The following MAP4K5 variants were observed in gnomAD, a reference collection of about 807,000 sequenced individuals.
MAP4K5 encodes mitogen-activated protein kinase kinase kinase kinase 5.
In MAP4K5, 82 loss-of-function variants were observed where a neutral mutation model predicts 135.6. The ratio of observed to expected loss-of-function variants is 0.60; its 90% CI spans 0.51 to 0.73. The LOEUF (loss-of-function observed/expected upper bound fraction) is 0.73, where lower values mean the gene tolerates loss of function less well. MAP4K5 is among the 30% of genes least tolerant of loss of function. The pLI is 0.00. For synonymous variants in MAP4K5, 347 were observed against 335.0 expected, an observed-to-expected ratio of 1.04 and a Z score of -0.39; for missense variants, 907 against 1,010.9, an observed-to-expected ratio of 0.90 and a Z score of 1.39.
chr14:50,437,943 AT>A lies in MAP4K5; in HGVS notation c.1773del (p.Leu592Ter), dbSNP rs2036134402. The A allele has an allele frequency of 6.2e-7, 1 of 1,612,614 alleles. No homozygotes were observed. The highest frequency in any genetic ancestry group is 8.5e-7 in the Non-Finnish European group (1 of 1,179,044). On this transcript the variant is annotated frameshift_variant, in exon 25 of 33. Coordinates refer to ENST00000682126, the MANE Select transcript of MAP4K5 (RefSeq NM_006575.6). LOFTEE classifies it high-confidence loss of function. The stretch of plus-strand genomic sequence containing the variant: ...CTGTGAGTTTGAATATGGGCAGCTA[AT>A]CCTGGTTTTTTGGCATGTTCAAACA... ...IALFEHAKKPGLAAHIQTHRF... is the reference protein window; with the variant it reads ...IALFEHAKKPXLAAHIQTHRF...
intron 2 of MAP4K5, among the ~76,000 whole-genome samples, chr14:50,519,087 T>C (rs1009874504): frequency 1.3e-5 from 2 of 152,146 alleles, no homozygotes; most frequent in Non-Finnish European, 2.9e-5. Context: ...TGCTTGTATG[T>C]TTGTATATAA....
In MAP4K5 at chr14:50,481,644, A is replaced by G. The variant is rs779645588; in HGVS notation, c.378+717T>C. On this transcript the variant is annotated intron_variant, in intron 6 of 32. Coordinates refer to ENST00000682126, the MANE Select transcript of MAP4K5 (RefSeq NM_006575.6). Reference sequence around the variant, plus strand: ...TATATGAACAAAATTGTTAATTCCTAATTTTCTCAGTGAGTAGTCTTTCAG... The same window carrying G: ...TATATGAACAAAATTGTTAATTCCTGATTTTCTCAGTGAGTAGTCTTTCAG... Among the ~76,000 whole-genome samples the G allele has an allele frequency of 3.3e-5, 5 of 152,160 alleles. No homozygotes were observed. The East Asian group carries it at 7.7e-4, about 23-fold the overall frequency.
intron 6 of MAP4K5, among the ~76,000 whole-genome samples, chr14:50,480,575 G>A (rs115782555): frequency 0.018 from 2,784 of 151,878 alleles, 90 homozygotes; most frequent in African/African-American, 0.062. Flanking sequence ...TTCTGTCCCC[G>A]GCTTATTTCA....
intron 8 of MAP4K5, 131 bp from the exon 9 acceptor site, chr14:50,475,280 C>T (rs1051776002): frequency 3.3e-5 from 22 of 666,142 alleles, no homozygotes; most frequent in Non-Finnish European, 5.5e-5. Context: ...AAATTGAATA[C>T]CTAAATCTCT....
chr14:50,444,567 G>A (rs1265976874), intron 18 of MAP4K5, among the ~76,000 whole-genome samples: 7 of 151,924 alleles, frequency 4.6e-5, no homozygotes, highest in Admixed American at 6.6e-5. Flanking sequence ...TGGGCAACAC[G>A]GCGAAACCCC....
intron 2 of MAP4K5, among the ~76,000 whole-genome samples, chr14:50,528,180 C>T (rs187175191): frequency 9.9e-5 from 15 of 152,186 alleles, no homozygotes; most frequent in Admixed American, 3.3e-4. Context: ...CTGCTCTTGC[C>T]CTCAATGATT....
intron 2 of MAP4K5, among the ~76,000 whole-genome samples, chr14:50,521,242 A>G (rs1595543621): frequency 6.6e-6 from 1 of 152,214 alleles, no homozygotes; most frequent in Non-Finnish European, 1.5e-5. Flanking sequence ...TGAGACCTAA[A>G]GTTTTACGTA....
chr14:50,426,981 G>A (rs781530878), intron 30 of MAP4K5, among the ~76,000 whole-genome samples: 8 of 152,134 alleles, frequency 5.3e-5, no homozygotes, highest in Non-Finnish European at 1.0e-4. Flanking sequence ...ACATAATTAA[G>A]CTCAATAAAA....
At position 50,462,669 on chromosome 14, in the gene MAP4K5, A is replaced by C. The variant is rs1334110833; in HGVS notation, c.932T>G (p.Phe311Cys). The C allele has an allele frequency of 6.3e-7, 1 of 1,597,918 alleles. No homozygotes were observed. The highest frequency in any genetic ancestry group is 1.1e-5 in the South Asian group (1 of 88,552). The change falls in exon 13 of 33, where the codon TTT (phenylalanine) becomes TGT (cysteine). Residue 311 changes from phenylalanine (F) to cysteine (C), a missense_variant. Physicochemically the swap from Phe to Cys is radical, Grantham distance 205. Coordinates refer to ENST00000682126, the MANE Select transcript of MAP4K5 (RefSeq NM_006575.6). ...AHYTEADDDD[F>C]EPHAIIRHTI... ...AGACTGCAAACACTTCCTTACCTCA[A>C]AGTCATCGTCATCTGCTTCAGTGTA...
At chr14:50,456,382 C>A in intron 14 of MAP4K5, 134 bp downstream of exon 14, 4 of 646,936 alleles carry the variant, frequency 6.2e-6, no homozygotes, top group Non-Finnish European at 5.4e-6. Context: ...GAAAAGCAAC[C>A]CCTATTTTAA....
At chr14:50,483,921 C>A (rs1039515803) in intron 5 of MAP4K5, among the ~76,000 whole-genome samples, 2 of 151,716 alleles carry the variant, frequency 1.3e-5, no homozygotes, top group Non-Finnish European at 2.9e-5. Flanking sequence ...AGTGCACTGG[C>A]GTGATCTTGG....
rs1173083876 is a variant in MAP4K5 at position 50,486,110 on chromosome 14, T to G, written c.251A>C (p.Tyr84Ser). The change falls in exon 4 of 33, where the codon TAT (tyrosine) becomes TCT (serine). Residue 84 changes from tyrosine (Y) to serine (S), a missense_variant. Physicochemically the swap from Tyr to Ser is moderately radical, Grantham distance 144. This residue lies in a region of MAP4K5 where 196 missense variants were observed against 189.3 expected (regional missense o/e 1.04). Transcript: ENST00000682126. ...ATGCTTTTTTTTCTCTTACCTAAGA[T>G]AACTCCCAAAGTAGGCAACGATGTT... ...HCNIVAYFGSYLSREKLWICM... is the reference protein window; with the variant it reads ...HCNIVAYFGSSLSREKLWICM... 7.8e-7 allele frequency: 1 copy of G among 1,281,822 alleles called. No individual in the cohort carries two copies. Among genetic ancestry groups the G allele is most frequent in the East Asian group, 2.5e-5 (1 of 39,598 alleles). The allele number at this position is 1,281,822 out of a possible 1,614,324, so 79.4% of individuals were successfully genotyped here.
In MAP4K5 at chr14:50,454,310, G is replaced by A. The variant is rs183556241; in HGVS notation, c.1015+2206C>T. On this transcript the variant is annotated intron_variant, in intron 14 of 32. Coordinates refer to ENST00000682126, the MANE Select transcript of MAP4K5 (RefSeq NM_006575.6). ...AAGAAAACTGATTGTGAAGGCTCTCGTGAGGGAACCTTCTGAGATTCTGAT... is the reference window on the plus strand; with the variant it reads ...AAGAAAACTGATTGTGAAGGCTCTCATGAGGGAACCTTCTGAGATTCTGAT... 5.3e-5 allele frequency among the ~76,000 whole-genome samples: 8 copies of A among 152,246 alleles called. No individual in the cohort carries two copies. The South Asian group carries it at 6.2e-4, about 12-fold the overall frequency.
Position 50,475,097 on chromosome 14 carries a change from A to C in MAP4K5, c.522T>G (p.Ser174=). 1 of 1,613,868 alleles carries C rather than the reference A, an allele frequency of 6.2e-7. No homozygotes were observed. Among genetic ancestry groups the C allele is most frequent in the Non-Finnish European group, 8.5e-7 (1 of 1,179,790 alleles). Residue 174 remains serine (S), a synonymous_variant, in exon 9 of 33, where the codon TCT becomes TCG. Coordinates refer to ENST00000682126, the MANE Select transcript of MAP4K5 (RefSeq NM_006575.6). ...CTTACCAGTAAGGGGTGCCAATGAAAGATTTTCGTTTTGCAATGGTAGCTG... is the reference window on the plus strand; with the variant it reads ...CTTACCAGTAAGGGGTGCCAATGAACGATTTTCGTTTTGCAATGGTAGCTG... ...KITATIAKRK[S]FIGTPYWMAP... is the part of the protein sequence containing the mutation.
intron 2 of MAP4K5, among the ~76,000 whole-genome samples, chr14:50,541,838 C>T: frequency 6.6e-6 from 1 of 151,364 alleles, no homozygotes; most frequent in East Asian, 1.9e-4. Flanking sequence ...GAAACCCCAT[C>T]TCTCTAAAAA....
intron 2 of MAP4K5, among the ~76,000 whole-genome samples, chr14:50,539,130 T>C (rs188971492): frequency 9.8e-5 from 15 of 152,310 alleles, no homozygotes; most frequent in Admixed American, 9.1e-4. Context: ...CACTCACATA[T>C]CTGATGATTA....
intron 11 of MAP4K5, among the ~76,000 whole-genome samples, chr14:50,466,030 C>T (rs760332654): frequency 1.3e-5 from 2 of 152,062 alleles, no homozygotes; most frequent in African/African-American, 4.8e-5. Flanking sequence ...GCCGAGATTG[C>T]GCCACTGTAC....
rs2036907932 is a variant in MAP4K5 at position 50,469,481 on chromosome 14, GA to G, written c.543-700del. Among the ~76,000 whole-genome samples, 3 of 152,132 alleles carry G rather than the reference GA, an allele frequency of 2.0e-5. No homozygotes were observed. In the South Asian group the frequency reaches 6.2e-4, roughly 31 times the overall value. On this transcript the variant is annotated intron_variant, in intron 9 of 32. Coordinates refer to ENST00000682126, the MANE Select transcript of MAP4K5 (RefSeq NM_006575.6). Reference sequence around the variant, plus strand: ...TACAAAAAAGGTTAGACTTTATCATGAAAATGATGGGGACCCAATGAAAGAT... The same window carrying G: ...TACAAAAAAGGTTAGACTTTATCATGAAATGATGGGGACCCAATGAAAGAT...
intron 2 of MAP4K5, among the ~76,000 whole-genome samples, chr14:50,515,153 T>C (rs183571231): frequency 5.9e-5 from 9 of 152,130 alleles, no homozygotes; most frequent in Admixed American, 2.6e-4. Flanking sequence ...CTGCCCGCCT[T>C]GGCCTCCCAA....
Sources: allele counts gnomAD v4.1 joint callset (sites outside exome capture counted in the v4.1 genomes callset), GRCh38; gene constraint gnomAD v4.1.1; regional missense constraint gnomAD v4.1.1; transcripts MANE v1.5; gene names NCBI Gene and HGNC (gene_info 2026-07-23, HGNC 2026-07-21).